The following NKAIN2 variants were observed in gnomAD, a reference collection of about 807,000 sequenced individuals.
NKAIN2 encodes sodium/potassium-transporting ATPase subunit beta-1-interacting protein 2.
A neutral mutation model predicts 32.6 loss-of-function variants in NKAIN2; 14 were observed. The ratio of observed to expected loss-of-function variants is 0.43; its 90% CI spans 0.28 to 0.67. The LOEUF (loss-of-function observed/expected upper bound fraction) is 0.67. Among genes scored for constraint, NKAIN2 ranks in the 30% least tolerant of loss-of-function variants. The probability of loss-of-function intolerance (pLI) is 0.17; values close to 1 mark genes in which losing one functional copy is unlikely to be tolerated. For missense variants in NKAIN2, 198 were observed against 258.3 expected (o/e 0.77, Z 1.60); for synonymous variants, 80 against 87.2 (o/e 0.92, Z 0.46).
chr6:124,742,606 G>A (rs181748558), intron 4 of NKAIN2, among the ~76,000 whole-genome samples: 15 of 151,848 alleles, frequency 9.9e-5, no homozygotes, highest in African/African-American at 3.4e-4. Flanking sequence ...AATATATATT[G>A]GTTCTCTTTT....
chr6:124,393,725 C>T (rs1372938580), intron 3 of NKAIN2, among the ~76,000 whole-genome samples: 1 of 152,100 alleles, frequency 6.6e-6, no homozygotes, highest in African/African-American at 2.4e-5. Context: ...TCAGTTCCAC[C>T]CTGGAACCTA....
At chr6:124,214,945 A>G (rs1791390480) in intron 1 of NKAIN2, among the ~76,000 whole-genome samples, 1 of 152,196 alleles carries the variant, frequency 6.6e-6, no homozygotes, top group Admixed American at 6.5e-5. Flanking sequence ...GGAGTCAATC[A>G]AAAGAGATGA....
chr6:124,498,486 A>G (rs553461039), intron 3 of NKAIN2, among the ~76,000 whole-genome samples: 1 of 152,302 alleles, frequency 6.6e-6, no homozygotes, highest in South Asian at 2.1e-4. Context: ...GTTAAAGGAA[A>G]GGGGCTATGT....
intron 3 of NKAIN2, among the ~76,000 whole-genome samples, chr6:124,639,245 A>G (rs1006646797): frequency 1.3e-5 from 2 of 152,222 alleles, no homozygotes; most frequent in African/African-American, 2.4e-5. Flanking sequence ...GGAAATTAGT[A>G]TATCAAAGAG....
chr6:124,698,975 C>G (rs77434204), intron 4 of NKAIN2, among the ~76,000 whole-genome samples: 4,644 of 152,294 alleles, frequency 0.03, 91 homozygotes, highest in East Asian at 0.071. Context: ...AGCAATTCCA[C>G]TCATTAACTG....
Position 124,144,991 on chromosome 6 carries a change from G to A in NKAIN2, c.55-138014G>A, listed in dbSNP as rs137973927. 3.4e-3 allele frequency among the ~76,000 whole-genome samples: 522 copies of A among 152,194 alleles called. 3 individuals carry two copies. Among genetic ancestry groups the A allele is most frequent in the Non-Finnish European group, 5.3e-3 (358 of 67,992 alleles). On this transcript the variant is annotated intron_variant, in intron 1 of 6. Transcript: ENST00000368417. ...AGACATGGTCAGACATTTCACCAGA[G>A]ACAATATTCCGATGTCAGAGAAGCA...
At chr6:124,308,839 A>G (rs1050807173) in intron 2 of NKAIN2, among the ~76,000 whole-genome samples, 1 of 152,174 alleles carries the variant, frequency 6.6e-6, no homozygotes, top group Non-Finnish European at 1.5e-5. Flanking sequence ...CCAAGTCCCA[A>G]ATCTTTCAAT....
chr6:123,915,394 T>C (rs1775435353), intron 1 of NKAIN2, among the ~76,000 whole-genome samples: 2 of 152,132 alleles, frequency 1.3e-5, no homozygotes, highest in African/African-American at 4.8e-5. Context: ...CATTCCTGTC[T>C]CCCACTCACT....
intron 3 of NKAIN2, among the ~76,000 whole-genome samples, chr6:124,441,276 A>G (rs555547883): frequency 2.6e-5 from 4 of 152,268 alleles, no homozygotes; most frequent in African/African-American, 7.2e-5. Context: ...GCAGAAAAGA[A>G]TAATCCATAC....
intron 3 of NKAIN2, among the ~76,000 whole-genome samples, chr6:124,419,675 A>G (rs564797872): frequency 1.5e-4 from 23 of 152,312 alleles, no homozygotes; most frequent in African/African-American, 4.3e-4. Context: ...AATAGAAGAC[A>G]TAAGATAATA....
At chr6:124,299,537 T>C (rs894463584) in intron 2 of NKAIN2, among the ~76,000 whole-genome samples, 40 of 152,204 alleles carry the variant, frequency 2.6e-4, no homozygotes, top group African/African-American at 9.6e-4. Context: ...ATTGTTGTTA[T>C]TGCAATAAGG....
At chr6:124,779,323 GGAAGGAAGGAAGGAA>G (rs1583849710) in intron 4 of NKAIN2, among the ~76,000 whole-genome samples, 1 of 42,544 alleles carries the variant, frequency 2.4e-5, no homozygotes, top group East Asian at 7.1e-4. Context: ...AGGGAGGGAA[GGAAGGAAGGAAGGAA>G]GGAAGGAAGG....
intron 1 of NKAIN2, among the ~76,000 whole-genome samples, chr6:124,173,264 G>A (rs944333701): frequency 6.6e-5 from 10 of 152,002 alleles, no homozygotes; most frequent in African/African-American, 1.9e-4. Context: ...AAAATGATTC[G>A]GTTGATTCTT....
intron 4 of NKAIN2, among the ~76,000 whole-genome samples, chr6:124,703,004 G>A (rs538907430): frequency 2.0e-5 from 3 of 151,972 alleles, no homozygotes; most frequent in Non-Finnish European, 4.4e-5. Flanking sequence ...AAGTCATCTT[G>A]AGCTCATGTG....
At chr6:123,906,532 A>G (rs1318454321) in intron 1 of NKAIN2, among the ~76,000 whole-genome samples, 1 of 152,150 alleles carries the variant, frequency 6.6e-6, no homozygotes, top group African/African-American at 2.4e-5. Context: ...GGCTCAAGCA[A>G]TCTGCTTGCC....
chr6:123,855,918 GTT>G (rs1181102053), intron 1 of NKAIN2, among the ~76,000 whole-genome samples: 3 of 152,288 alleles, frequency 2.0e-5, no homozygotes, highest in African/African-American at 7.2e-5. Context: ...TGTAAATGCA[GTT>G]TTAGCAATTA....
intron 2 of NKAIN2, among the ~76,000 whole-genome samples, chr6:124,328,085 A>G (rs1173082123): frequency 6.6e-6 from 1 of 152,186 alleles, no homozygotes; most frequent in Non-Finnish European, 1.5e-5. Flanking sequence ...GAAAGGAACA[A>G]AACAATCTAA....
In NKAIN2 at chr6:123,871,023, GCT is replaced by G. The variant is rs1353672265; in HGVS notation, c.54+66770_54+66771del. 2.6e-3 allele frequency among the ~76,000 whole-genome samples: 389 copies of G among 152,006 alleles called. 2 individuals carry two copies. The highest frequency in any genetic ancestry group is 8.9e-3 in the African/African-American group (371 of 41,478). ...TATACTTCAGTGGCATGCTTACATT[GCT>G]GATTCTTGATTTTTTCAATTTTACA... is the stretch of plus-strand genomic sequence containing the variant. On this transcript the variant is annotated intron_variant, in intron 1 of 6. Transcript: ENST00000368417.
At chr6:124,710,596 G>A (rs1461764022) in intron 4 of NKAIN2, among the ~76,000 whole-genome samples, 3 of 151,636 alleles carry the variant, frequency 2.0e-5, no homozygotes, top group Non-Finnish European at 4.4e-5. Flanking sequence ...GGCCTTCTTT[G>A]TCTCTTTTGA....
Sources: gnomAD v4.1 joint callset for allele counts (sites outside exome capture counted in the v4.1 genomes callset) on GRCh38, gnomAD v4.1.1 for gene constraint, MANE v1.5 for transcripts, NCBI Gene and HGNC (gene_info 2026-07-23, HGNC 2026-07-21) for gene names.